FAM131B: variants seen among roughly 807,000 people sequenced by gnomAD.
FAM131B encodes family with sequence similarity 131 member B.
A neutral mutation model predicts 42.0 loss-of-function variants in FAM131B; 19 were observed. The ratio of observed to expected loss-of-function variants is 0.45; its 90% CI spans 0.32 to 0.66. FAM131B has a LOEUF of 0.66. Ranked by LOEUF, FAM131B falls within the 30% of genes least tolerant of loss-of-function variation. The pLI, the probability that FAM131B is intolerant of heterozygous loss-of-function variation, is 0.05. For missense variants in FAM131B, 370 were observed against 468.4 expected (o/e 0.79, Z 1.94); for synonymous variants, 183 against 177.6 (o/e 1.03, Z -0.24).
the FAM131B span, among the ~76,000 whole-genome samples, chr7:143,369,636 C>G: frequency 6.9e-6 from 1 of 145,748 alleles, no homozygotes; most frequent in Non-Finnish European, 1.5e-5. Context: ...GATCGCACCA[C>G]TGCACTACAG....
chr7:143,357,771 T>C (rs1803739488), intron 5 of FAM131B, among the ~76,000 whole-genome samples: 2 of 152,224 alleles, frequency 1.3e-5, no homozygotes, highest in Admixed American at 1.3e-4. Flanking sequence ...AAGAGCCACA[T>C]TTCAAGTTCT....
chr7:143,363,863 G>A (rs1804112047), upstream of FAM131B: 4 of 152,196 alleles, frequency 2.6e-5, no homozygotes, highest in East Asian at 1.9e-4. Flanking sequence ...TCCTAACAGG[G>A]AGGCTAAGTC....
In FAM131B at chr7:143,359,098, C is replaced by T; in HGVS notation, c.269-74G>A. ...CATAACCAGACCCTCCCAGTTCCTCCCACCCCAGCCCCATGAGGCTCCATC... is the reference window on the plus strand; with the variant it reads ...CATAACCAGACCCTCCCAGTTCCTCTCACCCCAGCCCCATGAGGCTCCATC... On this transcript the variant is annotated intron_variant, in intron 4 of 6. Coordinates refer to ENST00000443739, the MANE Select transcript of FAM131B (RefSeq NM_001031690.3). The surrounding 1 kb of genome is among the most constrained non-coding windows in gnomAD (Gnocchi z 5.4). 6.9e-7 allele frequency: 1 copy of T among 1,448,948 alleles called. No individual in the cohort carries two copies. The highest frequency in any genetic ancestry group is 9.4e-7 in the Non-Finnish European group (1 of 1,058,454). 89.8% of individuals were successfully genotyped at this position (1,448,948 alleles called of 1,614,324 possible). A position where few individuals can be genotyped will look rare whatever the true frequency, so the allele number is the denominator to read the frequency against.
At chr7:143,365,770 T>G (rs1478584005), upstream of FAM131B, among the ~76,000 whole-genome samples, 1 of 152,054 alleles carries the variant, frequency 6.6e-6, no homozygotes, top group South Asian at 2.1e-4. Flanking sequence ...TCGGCTAATT[T>G]TTTGTATGTG....
Position 143,355,871 on chromosome 7 carries a change from C to G in FAM131B, c.*679G>C, listed in dbSNP as rs1803625475. The G allele has an allele frequency of 6.6e-6, 1 of 152,652 alleles. No homozygotes were observed. Among genetic ancestry groups the G allele is most frequent in the South Asian group, 2.1e-4 (1 of 4,842 alleles). The allele number at this position is 152,652 out of a possible 1,614,324, so 9.5% of individuals were successfully genotyped here. On this transcript the variant is annotated 3_prime_UTR_variant, in exon 7 of 7. Coordinates refer to ENST00000443739, the MANE Select transcript of FAM131B (RefSeq NM_001031690.3). The surrounding 1 kb of genome is among the most constrained non-coding windows in gnomAD (Gnocchi z 4.1). ...AGTCTCCTCAGTGACTCTCTTGTCTCCGGGCAGGCCTTGATAGAAAGAACC... is the reference window on the plus strand; with the variant it reads ...AGTCTCCTCAGTGACTCTCTTGTCTGCGGGCAGGCCTTGATAGAAAGAACC...
chr7:143,380,375 A>C, the FAM131B span: 3 of 984,948 alleles, frequency 3.0e-6, no homozygotes, highest in Non-Finnish European at 3.6e-6. The surrounding 1 kb of genome is among the most constrained non-coding windows in gnomAD (Gnocchi z 5.0). Flanking sequence ...CAAGAGCTCC[A>C]CCGTCGCCCG....
At chr7:143,368,028 C>G in the FAM131B span, among the ~76,000 whole-genome samples, 6 of 152,224 alleles carry the variant, frequency 3.9e-5, no homozygotes, top group African/African-American at 7.2e-5. Context: ...ATAAGAAAGG[C>G]CAAGCCAGCA....
chr7:143,358,795 A>T lies in FAM131B; in HGVS notation c.466+32T>A, dbSNP rs1181154117. 6.9e-6 allele frequency: 11 copies of T among 1,598,568 alleles called. No homozygotes were observed. The African/African-American group carries it at 1.5e-4, about 21-fold the overall frequency. On this transcript the variant is annotated intron_variant, in intron 5 of 6. Coordinates refer to ENST00000443739, the MANE Select transcript of FAM131B (RefSeq NM_001031690.3). The surrounding 1 kb of genome is among the most constrained non-coding windows in gnomAD (Gnocchi z 4.7). ...GGGTCGGTCCCTGGCCATCCTGCAA[A>T]TGTGTCTCTTGAGGCTTTAGGGTAC...
the FAM131B span, chr7:143,382,072 G>T: frequency 4.8e-6 from 3 of 625,830 alleles, no homozygotes; most frequent in Non-Finnish European, 8.2e-6. Context: ...TCGGCAGTGC[G>T]CCCGGCCTTT....
Position 143,362,709 on chromosome 7 carries a change from T to TCTCCGCTCGG in FAM131B, c.-107_-106insCCGAGCGGAG, listed in dbSNP as rs1370193371. 3 of 487,134 alleles carry TCTCCGCTCGG rather than the reference T, an allele frequency of 6.2e-6. No individual in the cohort carries two copies. In the East Asian group the frequency reaches 1.6e-4, roughly 26 times the overall value. The allele number at this position is 487,134 out of a possible 1,614,324, so 30.2% of individuals were successfully genotyped here. A position where few individuals can be genotyped will look rare whatever the true frequency, so the allele number is the denominator to read the frequency against. On this transcript the variant is annotated 5_prime_UTR_variant, in exon 1 of 7. Coordinates refer to ENST00000443739, the MANE Select transcript of FAM131B (RefSeq NM_001031690.3). The surrounding 1 kb of genome is among the most constrained non-coding windows in gnomAD (Gnocchi z 7.7). ...CAGCCGCTCTGCAGCGCCGCGGCTGTCTCCGCTCGGCTCCGCTCCCCCCTC... is the reference window on the plus strand; with the variant it reads ...CAGCCGCTCTGCAGCGCCGCGGCTGTCTCCGCTCGGCTCCGCTCGGCTCCGCTCCCCCCTC...
intron 1 of FAM131B, 67 bp from the exon 2 acceptor site, chr7:143,360,216 C>T: frequency 6.5e-7 from 1 of 1,548,776 alleles, no homozygotes; most frequent in South Asian, 1.2e-5. Context: ...CACCCTGGGG[C>T]CAGCCCTTCA....
chr7:143,357,578 A>C (rs1803729271), intron 5 of FAM131B, among the ~76,000 whole-genome samples, 155 bp from the exon 6 acceptor site: 1 of 152,276 alleles, frequency 6.6e-6, no homozygotes, highest in African/African-American at 2.4e-5. Context: ...ATTTAAAATT[A>C]AAAAGAAACA....
At chr7:143,374,201 A>G in the FAM131B span, among the ~76,000 whole-genome samples, 1 of 152,072 alleles carries the variant, frequency 6.6e-6, no homozygotes, top group Non-Finnish European at 1.5e-5. Flanking sequence ...CCTACTGCCC[A>G]CTGTGCGCCT....
rs1281706282 is a variant in FAM131B, at chr7:143,353,679, C to T, written c.*2871G>A. 6.6e-6 allele frequency: 1 copy of T among 152,480 alleles called. No homozygotes were observed. The highest frequency in any genetic ancestry group is 1.9e-4 in the East Asian group (1 of 5,190). The allele number at this position is 152,480 out of a possible 1,614,324, so 9.4% of individuals were successfully genotyped here. A position where few individuals can be genotyped will look rare whatever the true frequency, so the allele number is the denominator to read the frequency against. On this transcript the variant is annotated 3_prime_UTR_variant, in exon 7 of 7. Transcript: ENST00000443739. ...ACTGGCCAGAAAAATGGATATTTCC[C>T]AGACCTGGAGGATGGTGTGTGGGAT...
the FAM131B span, chr7:143,380,103 G>C: frequency 1.0e-6 from 1 of 985,452 alleles, no homozygotes; most frequent in Non-Finnish European, 1.2e-6. This position sits in a 1 kb window ranked among gnomAD's most constrained non-coding sequence, Gnocchi z 5.0. Context: ...TCAGGAGGCA[G>C]TAAAAGCTGA....
the FAM131B span, chr7:143,380,935 G>T: frequency 2.6e-6 from 1 of 387,792 alleles, no homozygotes; most frequent in Non-Finnish European, 3.5e-6. This position sits in a 1 kb window ranked among gnomAD's most constrained non-coding sequence, Gnocchi z 5.0. Context: ...GGGCTGCGTG[G>T]CTACCTCGGC....
rs1435532595 is a variant in FAM131B, at chr7:143,354,977, C to G, written c.*1573G>C. On this transcript the variant is annotated 3_prime_UTR_variant, in exon 7 of 7. Transcript: ENST00000443739. Reference sequence around the variant, plus strand: ...GGGCCAGGAGAGGACAACAGTGCTCCCTTCCAGCAGAGGATGCAAGTGGTA... The same window carrying G: ...GGGCCAGGAGAGGACAACAGTGCTCGCTTCCAGCAGAGGATGCAAGTGGTA... 7.1e-6 allele frequency: 1 copy of G among 141,146 alleles called. No individual in the cohort carries two copies. Among genetic ancestry groups the G allele is most frequent in the East Asian group, 2.3e-4 (1 of 4,388 alleles). The allele number at this position is 141,146 out of a possible 1,614,324, so 8.7% of individuals were successfully genotyped here.
chr7:143,378,817 T>C, the FAM131B span, among the ~76,000 whole-genome samples: 1 of 152,220 alleles, frequency 6.6e-6, no homozygotes, highest in Admixed American at 6.5e-5. Context: ...CCTCAAGTGA[T>C]CTGCCTGCCT....
chr7:143,380,134 C>G, the FAM131B span: 1 of 984,780 alleles, frequency 1.0e-6, no homozygotes, highest in Non-Finnish European at 1.2e-6. The surrounding 1 kb of genome is among the most constrained non-coding windows in gnomAD (Gnocchi z 5.0). Context: ...GAAAATGAAG[C>G]GCCTACGGGT....
Sources: gnomAD v4.1 joint callset for allele counts (sites outside exome capture counted in the v4.1 genomes callset) on GRCh38, gnomAD v4.1.1 for gene constraint, Gnocchi (gnomAD v3.1) non-coding constraint, MANE v1.5 for transcripts, NCBI Gene and HGNC (gene_info 2026-07-23, HGNC 2026-07-21) for gene names.